The following PTPRS variants were observed in gnomAD, a reference collection of about 807,000 sequenced individuals.
PTPRS encodes the protein protein tyrosine phosphatase receptor type S.
PTPRS carries 63 observed loss-of-function variants against 215.3 expected under a neutral mutation model. The ratio of observed to expected loss-of-function variants is 0.29; its 90% CI spans 0.24 to 0.36. The LOEUF (loss-of-function observed/expected upper bound fraction) is 0.36. PTPRS is among the 10% of genes least tolerant of loss of function. The pLI, the probability that PTPRS is intolerant of heterozygous loss-of-function variation, is 1.00. For synonymous variants in PTPRS, 1,404 were observed against 1,191.4 expected, an observed-to-expected ratio of 1.18 and a Z score of -3.68; for missense variants, 2,258 against 2,825.8, an observed-to-expected ratio of 0.80 and a Z score of 4.56.
chr19:5,241,320 G>C (rs905756750), intron 11 of PTPRS, among the ~76,000 whole-genome samples: 4 of 152,090 alleles, frequency 2.6e-5, no homozygotes, highest in Admixed American at 1.3e-4. Flanking sequence ...GTCTCACTGT[G>C]TCACCTAGGC....
intron 10 of PTPRS, 152 bp downstream of exon 10, chr19:5,245,624 T>C: frequency 8.2e-7 from 1 of 1,217,818 alleles, no homozygotes; most frequent in Non-Finnish European, 1.1e-6. Flanking sequence ...ATAATACCTG[T>C]TCAAAGAACA....
rs1402753661 is a variant in PTPRS, at chr19:5,268,952, C to T, written c.380-3756G>A. On this transcript the variant is annotated intron_variant, in intron 4 of 37. Transcript: ENST00000262963. ...GAGGCAGTTCAGGCCTCTTGTCCAT[C>T]CTTCCTGGGCCAGGGACCTGGACGA... Among the ~76,000 whole-genome samples the T allele has an allele frequency of 3.3e-5, 5 of 152,312 alleles. No individual in the cohort carries two copies. In the East Asian group the frequency reaches 7.7e-4, roughly 24 times the overall value.
chr19:5,214,090 T>C (rs547691447), intron 30 of PTPRS, among the ~76,000 whole-genome samples: 3 of 152,180 alleles, frequency 2.0e-5, no homozygotes, highest in South Asian at 2.1e-4. Context: ...ACCTGGGGCA[T>C]GAGTAAAGGC....
chr19:5,208,662 G>T lies in PTPRS; in HGVS notation c.5488-271C>A, dbSNP rs542393770. Among the ~76,000 whole-genome samples the T allele has an allele frequency of 1.6e-3, 245 of 152,036 alleles. 3 individuals are homozygous for T. Among genetic ancestry groups the T allele is most frequent in the Non-Finnish European group, 2.4e-3 (165 of 67,968 alleles). The stretch of plus-strand genomic sequence containing the variant: ...CAGGCCCGGCCCTCACCCCCATTTT[G>T]TACACTCTCTGCCATTCATTTACCC... On this transcript the variant is annotated intron_variant, in intron 35 of 37. Transcript: ENST00000262963.
At chr19:5,319,053 T>A (rs894623438) in intron 1 of PTPRS, among the ~76,000 whole-genome samples, 1 of 151,988 alleles carries the variant, frequency 6.6e-6, no homozygotes, top group Non-Finnish European at 1.5e-5. Flanking sequence ...AGAGAAAGCA[T>A]CAGCTCAGCC....
intron 11 of PTPRS, among the ~76,000 whole-genome samples, chr19:5,241,158 G>A (rs1201323740): frequency 6.6e-6 from 1 of 151,872 alleles, no homozygotes; most frequent in Non-Finnish European, 1.5e-5. Context: ...CAAAGTGCTG[G>A]AATTACAGGC....
chr19:5,210,366 G>T lies in PTPRS; in HGVS notation c.5487+103C>A. 1 of 1,514,206 alleles carries T rather than the reference G, an allele frequency of 6.6e-7. No individual in the cohort carries two copies. Among genetic ancestry groups the T allele is most frequent in the Non-Finnish European group, 9.0e-7 (1 of 1,107,040 alleles). The allele number at this position is 1,514,206 out of a possible 1,614,324, so 93.8% of individuals were successfully genotyped here. On this transcript the variant is annotated intron_variant, in intron 35 of 37. Coordinates refer to ENST00000262963, the MANE Select transcript of PTPRS (RefSeq NM_002850.4). This position sits in a 1 kb window ranked among gnomAD's most constrained non-coding sequence, Gnocchi z 4.5. ...GCTGACACTTCTCCTGATTCCCAAT[G>T]CTTATGCCTAACCCTTGGCCTTTGT...
At chr19:5,216,878 C>T (rs1000941436) in intron 25 of PTPRS, 111 bp from the exon 26 acceptor site, 38 of 669,614 alleles carry the variant, frequency 5.7e-5, no homozygotes, top group African/African-American at 2.1e-4. Flanking sequence ...CAGAGCAACG[C>T]GGACAACGGG....
chr19:5,265,846 C>T (rs1476355012), intron 4 of PTPRS, among the ~76,000 whole-genome samples: 1 of 151,604 alleles, frequency 6.6e-6, no homozygotes, highest in Non-Finnish European at 1.5e-5. Context: ...TGCTCTACAC[C>T]CTACTACATA....
chr19:5,280,008 G>A (rs1249522635), intron 2 of PTPRS, among the ~76,000 whole-genome samples: 1 of 152,180 alleles, frequency 6.6e-6, no homozygotes, highest in Non-Finnish European at 1.5e-5. Context: ...ACATAAAATT[G>A]CTTAAATAAA....
rs1024567186 is a variant in PTPRS at position 5,257,535 on chromosome 19, C to T, written c.706+482G>A. The T allele has an allele frequency of 6.7e-6, 3 of 446,230 alleles. No individual in the cohort carries two copies. The highest frequency in any genetic ancestry group is 7.1e-5 in the East Asian group (1 of 14,078). 27.6% of individuals were successfully genotyped at this position (446,230 alleles called of 1,614,324 possible). ...CCCTCCTCAACTTCTAGATTGAGGG[C>T]CCTGGATTAGGGGGGGCAGTGAAGC... On this transcript the variant is annotated intron_variant, in intron 8 of 37. Coordinates refer to ENST00000262963, the MANE Select transcript of PTPRS (RefSeq NM_002850.4). This position sits in a 1 kb window ranked among gnomAD's most constrained non-coding sequence, Gnocchi z 4.4.
chr19:5,314,666 C>T (rs1040312395), intron 1 of PTPRS, among the ~76,000 whole-genome samples: 2 of 152,076 alleles, frequency 1.3e-5, no homozygotes, highest in African/African-American at 2.4e-5. Flanking sequence ...CCTGGGATTA[C>T]AGGCATGAAT....
chr19:5,326,503 A>G (rs1233159227), intron 1 of PTPRS, among the ~76,000 whole-genome samples: 1 of 152,014 alleles, frequency 6.6e-6, no homozygotes, highest in Non-Finnish European at 1.5e-5. Flanking sequence ...TTACGTTTTA[A>G]AAGAGAATGG....
chr19:5,234,173 T>TGGTAAAA (rs200223795), intron 13 of PTPRS, among the ~76,000 whole-genome samples: 4,807 of 152,168 alleles, frequency 0.032, 113 homozygotes, highest in Middle Eastern at 0.071. Context: ...AAAATTTTTC[T>TGGTAAAA]TGTAGTAAAA....
At chr19:5,229,759 A>C in intron 14 of PTPRS, 75 bp from the exon 15 acceptor site, 2 of 935,508 alleles carry the variant, frequency 2.1e-6, no homozygotes, top group Non-Finnish European at 2.8e-6. Flanking sequence ...GGGCAGTGCC[A>C]CTGTCCGATT....
At chr19:5,263,074 G>T in intron 5 of PTPRS, 102 bp from the exon 6 acceptor site, 1 of 490,180 alleles carries the variant, frequency 2.0e-6, no homozygotes, top group Non-Finnish European at 4.0e-6. Flanking sequence ...GCGGGGGAGG[G>T]GAGGGGGACG....
intron 4 of PTPRS, among the ~76,000 whole-genome samples, chr19:5,270,980 T>TGATG (rs1483340378): frequency 1.3e-5 from 2 of 152,160 alleles, no homozygotes; most frequent in Non-Finnish European, 2.9e-5. Flanking sequence ...CACTCGCCTG[T>TGATG]GATGCCAGTC....
Position 5,206,812 on chromosome 19 carries a change from G to A in PTPRS, c.5809C>T (p.Leu1937=), listed in dbSNP as rs928113669. 3.7e-6 allele frequency: 6 copies of A among 1,614,154 alleles called. No individual in the cohort carries two copies. The Admixed American group carries it at 6.7e-5, about 18-fold the overall frequency. ...TGGTCAAAGCTTCCGAGGTACTCCAGTGCCGCCTGGTAACAGAACTGGTAC... is the reference window on the plus strand; with the variant it reads ...TGGTCAAAGCTTCCGAGGTACTCCAATGCCGCCTGGTAACAGAACTGGTAC... The part of the protein sequence containing the change: ...DEYQFCYQAA[L]EYLGSFDHYA... Residue 1937 remains leucine, a synonymous_variant, in exon 38 of 38, where the codon CTG becomes TTG. Coordinates refer to ENST00000262963, the MANE Select transcript of PTPRS (RefSeq NM_002850.4).
intron 1 of PTPRS, among the ~76,000 whole-genome samples, chr19:5,315,014 C>T (rs897262682): frequency 6.6e-6 from 1 of 152,228 alleles, no homozygotes; most frequent in East Asian, 1.9e-4. Flanking sequence ...AGGCCCAGTG[C>T]AGGCCACAAA....
Sources: allele counts gnomAD v4.1 joint callset (sites outside exome capture counted in the v4.1 genomes callset), GRCh38; gene constraint gnomAD v4.1.1; non-coding constraint Gnocchi (gnomAD v3.1); transcripts MANE v1.5; gene names NCBI Gene and HGNC (gene_info 2026-07-23, HGNC 2026-07-21).